The following PXDNL variants were observed in gnomAD, a reference collection of about 807,000 sequenced individuals.
PXDNL encodes probable oxidoreductase PXDNL.
In PXDNL, 145 loss-of-function variants were observed where a neutral mutation model predicts 150.8. That is an observed-to-expected ratio of 0.96 (90% CI 0.84 to 1.10). The LOEUF is 1.10. Among genes scored for constraint, PXDNL ranks in the 50% least tolerant of loss-of-function variants. The pLI is 0.00. For synonymous variants in PXDNL, 757 were observed against 725.7 expected, an observed-to-expected ratio of 1.04 and a Z score of -0.69; for missense variants, 2,087 against 1,873.9, an observed-to-expected ratio of 1.11 and a Z score of -2.10.
At chr8:51,422,425 T>C (rs1234915939) in intron 14 of PXDNL, among the ~76,000 whole-genome samples, 3 of 152,130 alleles carry the variant, frequency 2.0e-5, no homozygotes, top group African/African-American at 7.2e-5. Flanking sequence ...TATTTCAGAA[T>C]ATGTAAGTGG....
intron 1 of PXDNL, among the ~76,000 whole-genome samples, chr8:51,698,814 T>C (rs1303536799): frequency 6.6e-6 from 1 of 152,254 alleles, no homozygotes; most frequent in Non-Finnish European, 1.5e-5. Context: ...TTGATCCATA[T>C]GCTGCAAAGC....
At chr8:51,479,785 G>A (rs1394049955) in intron 6 of PXDNL, among the ~76,000 whole-genome samples, 1 of 152,124 alleles carries the variant, frequency 6.6e-6, no homozygotes, top group African/African-American at 2.4e-5. Flanking sequence ...TAAGGTGATG[G>A]TTACACTAAA....
chr8:51,773,197 A>G (rs1164549062), intron 1 of PXDNL, among the ~76,000 whole-genome samples: 4 of 152,348 alleles, frequency 2.6e-5, no homozygotes, highest in East Asian at 3.9e-4. Flanking sequence ...TAGCCTTTAC[A>G]TATATCATTT....
chr8:51,377,139 CACACAA>C (rs1305329715), intron 17 of PXDNL, among the ~76,000 whole-genome samples: 3 of 151,096 alleles, frequency 2.0e-5, no homozygotes, highest in Admixed American at 6.6e-5. Flanking sequence ...CACACACACA[CACACAA>C]AGCCAAAGCC....
chr8:51,483,590 T>C (rs1810652556), intron 6 of PXDNL, 53 bp downstream of exon 6: 1 of 1,128,806 alleles, frequency 8.9e-7, no homozygotes, highest in Non-Finnish European at 1.3e-6. Flanking sequence ...TTGGGATGGA[T>C]TTTGGAGGAA....
chr8:51,493,494 G>A lies in PXDNL; in HGVS notation c.452+6205C>T, dbSNP rs1467572255. On this transcript the variant is annotated intron_variant, in intron 5 of 22. Transcript: ENST00000356297. ...GATCAAACTACTCCGAGCTAAAGGA[G>A]GAAGTTCGAACCCATGGCAAAGAAG... 2.0e-5 allele frequency among the ~76,000 whole-genome samples: 3 copies of A among 152,124 alleles called. 1 individual carries two copies. Among genetic ancestry groups the A allele is most frequent in the Admixed American group, 6.5e-5 (1 of 15,282 alleles).
At chr8:51,633,402 G>C (rs891503994) in intron 2 of PXDNL, among the ~76,000 whole-genome samples, 1 of 151,844 alleles carries the variant, frequency 6.6e-6, no homozygotes, top group Non-Finnish European at 1.5e-5. Context: ...TTTTCCTTTG[G>C]GTATATACCC....
At chr8:51,607,580 C>T (rs1338481111) in intron 2 of PXDNL, among the ~76,000 whole-genome samples, 3 of 151,944 alleles carry the variant, frequency 2.0e-5, no homozygotes, top group Non-Finnish European at 4.4e-5. Flanking sequence ...GTGGCTCATG[C>T]CTGTAATCCC....
At position 51,472,277 on chromosome 8, in the gene PXDNL, T is replaced by G; in HGVS notation, c.722A>C (p.Gln241Pro). The G allele has an allele frequency of 6.2e-7, 1 of 1,612,758 alleles. No homozygotes were observed. Among genetic ancestry groups the G allele is most frequent in the Non-Finnish European group, 8.5e-7 (1 of 1,179,064 alleles). ...ATTTCCTGATGGTACCTCCACATCC[T>G]GCGGCTCAAAAGTAATTCGGGGGCT... ...CQSPRITFEPQDVEVPSGNTV... is the reference protein window; with the variant it reads ...CQSPRITFEPPDVEVPSGNTV... Residue 241 changes from glutamine (Q) to proline (P), a missense_variant, in exon 8 of 23, where the codon CAG (glutamine) becomes CCG (proline). Transcript: ENST00000356297.
intron 17 of PXDNL, among the ~76,000 whole-genome samples, chr8:51,397,764 T>A (rs759037720): frequency 1.3e-5 from 2 of 152,026 alleles, no homozygotes. Context: ...CCTTTTTTTT[T>A]ATTATTATAC....
At chr8:51,606,173 A>G (rs1813835076) in intron 2 of PXDNL, among the ~76,000 whole-genome samples, 1 of 152,346 alleles carries the variant, frequency 6.6e-6, no homozygotes, top group South Asian at 2.1e-4. Context: ...TAAATTACTC[A>G]TATACGTGCC....
chr8:51,565,815 A>T (rs1812816719), intron 3 of PXDNL, among the ~76,000 whole-genome samples: 4 of 151,908 alleles, frequency 2.6e-5, no homozygotes, highest in African/African-American at 9.7e-5. Flanking sequence ...ATATCTCATT[A>T]TGTATATGCA....
chr8:51,554,439 C>T (rs1257998866), intron 4 of PXDNL, among the ~76,000 whole-genome samples: 2 of 152,190 alleles, frequency 1.3e-5, no homozygotes, highest in Non-Finnish European at 2.9e-5. Flanking sequence ...CAATTGGCTG[C>T]ACCCTTGCAC....
At chr8:51,399,663 G>C (rs1808189118) in intron 17 of PXDNL, among the ~76,000 whole-genome samples, 1 of 152,112 alleles carries the variant, frequency 6.6e-6, no homozygotes, top group Admixed American at 6.5e-5. Flanking sequence ...TGATTACAGA[G>C]GTATGAATAT....
At position 51,641,270 on chromosome 8, in the gene PXDNL, T is replaced by A. The variant is rs571152543; in HGVS notation, c.236+13419A>T. On this transcript the variant is annotated intron_variant, in intron 2 of 22. Transcript: ENST00000356297. ...AAAACCCTAGAACAAAACCTAGGCA[T>A]TACCATTCAGGACACAGGCATGGGC... is the stretch of plus-strand genomic sequence containing the variant. Among the ~76,000 whole-genome samples the A allele has an allele frequency of 2.0e-5, 3 of 151,438 alleles. No individual in the cohort carries two copies. In the South Asian group the frequency reaches 6.3e-4, roughly 32 times the overall value.
chr8:51,447,785 T>G (rs1809709492), intron 11 of PXDNL, among the ~76,000 whole-genome samples: 1 of 152,232 alleles, frequency 6.6e-6, no homozygotes, highest in African/African-American at 2.4e-5. Context: ...GAATGTCTTG[T>G]TACAGATGGA....
intron 12 of PXDNL, chr8:51,435,798 C>T (rs1809389225): frequency 9.6e-6 from 4 of 417,022 alleles, no homozygotes; most frequent in Admixed American, 5.9e-5. Context: ...TTCATCTTTT[C>T]TTCCAGAGGA....
chr8:51,531,064 T>C (rs2130430601), intron 4 of PXDNL, among the ~76,000 whole-genome samples: 1 of 152,304 alleles, frequency 6.6e-6, no homozygotes, highest in South Asian at 2.1e-4. Flanking sequence ...TGTCTGTGAC[T>C]TTTAAACTTT....
At chr8:51,484,520 G>T (rs1810684020) in intron 5 of PXDNL, among the ~76,000 whole-genome samples, 1 of 152,086 alleles carries the variant, frequency 6.6e-6, no homozygotes, top group African/African-American at 2.4e-5. Context: ...TGCAAATGTG[G>T]GATCACATGG....
Sources: allele counts gnomAD v4.1 joint callset (sites outside exome capture counted in the v4.1 genomes callset), GRCh38; gene constraint gnomAD v4.1.1; transcripts MANE v1.5; gene names NCBI Gene and HGNC (gene_info 2026-07-23, HGNC 2026-07-21).